Variants in SHISA9 observed in about 807,000 individuals in gnomAD.
SHISA9 encodes the protein shisa family member 9, also known as protein shisa-9.
Under a neutral mutation model 38.0 loss-of-function variants are expected in SHISA9, and 13 were observed. The observed-to-expected ratio is 0.34, with a 90% CI of 0.22 to 0.54. The LOEUF is 0.54. SHISA9 is among the 20% of genes least tolerant of loss of function. The pLI is 0.91. For synonymous variants in SHISA9, 275 were observed against 242.0 expected (o/e 1.14, Z -1.27); for missense variants, 538 against 575.8 (o/e 0.93, Z 0.67).
intron 2 of SHISA9, among the ~76,000 whole-genome samples, chr16:13,016,419 A>G (rs769423496): frequency 6.6e-6 from 1 of 152,134 alleles, no homozygotes; most frequent in Non-Finnish European, 1.5e-5. Flanking sequence ...TGAACAGGGG[A>G]ATAGAGAATG....
intron 3 of SHISA9, among the ~76,000 whole-genome samples, chr16:13,211,453 A>T (rs187625265): frequency 2.8e-4 from 42 of 151,118 alleles, no homozygotes; most frequent in Non-Finnish European, 5.6e-4. Context: ...GTGATTGTTT[A>T]AAAAAAAAGC....
At chr16:13,370,138 G>A in the SHISA9 span, among the ~76,000 whole-genome samples, 2 of 152,158 alleles carry the variant, frequency 1.3e-5, no homozygotes, top group Non-Finnish European at 2.9e-5. Flanking sequence ...GCTCAGTGGG[G>A]TATAAGGTAT....
At chr16:13,011,156 G>A (rs569406416) in intron 2 of SHISA9, among the ~76,000 whole-genome samples, 1 of 152,098 alleles carries the variant, frequency 6.6e-6, no homozygotes, top group Non-Finnish European at 1.5e-5. Context: ...ACACACAAAT[G>A]ATGATTTTAG....
chr16:13,367,712 G>GCGCGCGCACACA, the SHISA9 span, among the ~76,000 whole-genome samples: 2 of 104,690 alleles, frequency 1.9e-5, no homozygotes, highest in South Asian at 4.0e-4. Flanking sequence ...GCGCGCGCGC[G>GCGCGCGCACACA]CACACACACA....
At chr16:13,192,560 G>A (rs974902737) in intron 2 of SHISA9, among the ~76,000 whole-genome samples, 1 of 151,960 alleles carries the variant, frequency 6.6e-6, no homozygotes, top group Non-Finnish European at 1.5e-5. Flanking sequence ...CCAGGAAGCA[G>A]GGTATTTCTA....
chr16:13,121,948 A>G (rs1238018523), intron 2 of SHISA9, among the ~76,000 whole-genome samples: 1 of 152,058 alleles, frequency 6.6e-6, no homozygotes, highest in Non-Finnish European at 1.5e-5. Flanking sequence ...CCTCTTCGAT[A>G]AAATGATAAT....
chr16:12,995,430 T>TCTGTC (rs2072446145), intron 2 of SHISA9, among the ~76,000 whole-genome samples: 1 of 152,178 alleles, frequency 6.6e-6, no homozygotes, highest in Non-Finnish European at 1.5e-5. Flanking sequence ...GCTGACTCAA[T>TCTGTC]AGGCATCTGG....
intron 2 of SHISA9, among the ~76,000 whole-genome samples, chr16:13,161,666 C>T (rs767344533): frequency 6.4e-4 from 98 of 152,138 alleles, no homozygotes; most frequent in Non-Finnish European, 5.7e-4. Context: ...ATTCTAGGTC[C>T]TTTATCCCTT....
chr16:13,394,588 C>G, the SHISA9 span, among the ~76,000 whole-genome samples: 1,484 of 152,294 alleles, frequency 9.7e-3, 12 homozygotes, highest in Middle Eastern at 0.034. Flanking sequence ...CTTTCTCGTT[C>G]TCACTCTCTA....
chr16:13,451,777 A>T, the SHISA9 span, among the ~76,000 whole-genome samples: 1 of 152,230 alleles, frequency 6.6e-6, no homozygotes, highest in African/African-American at 2.4e-5. Context: ...ATCCTTGAGG[A>T]CTGTGGACAT....
At chr16:13,339,613 T>C in the SHISA9 span, among the ~76,000 whole-genome samples, 4 of 152,142 alleles carry the variant, frequency 2.6e-5, no homozygotes, top group African/African-American at 4.8e-5. Context: ...TTTTCCTTTT[T>C]TGTTTGTGTG....
At chr16:13,401,892 C>T in the SHISA9 span, among the ~76,000 whole-genome samples, 1 of 152,074 alleles carries the variant, frequency 6.6e-6, no homozygotes, top group Non-Finnish European at 1.5e-5. Flanking sequence ...GCAAAGGTGG[C>T]AGGCAAGAGA....
At chr16:13,379,248 G>A in the SHISA9 span, among the ~76,000 whole-genome samples, 9 of 152,208 alleles carry the variant, frequency 5.9e-5, no homozygotes, top group Admixed American at 1.3e-4. Context: ...TTCACTCCAA[G>A]TTCACATTCA....
At chr16:13,331,409 A>C in the SHISA9 span, 4 of 152,280 alleles carry the variant, frequency 2.6e-5, no homozygotes, top group Non-Finnish European at 5.9e-5. Flanking sequence ...TCTGTAAAAA[A>C]AAAAAGCTAT....
At chr16:12,918,969 T>C (rs905217488) in intron 2 of SHISA9, among the ~76,000 whole-genome samples, 1 of 152,222 alleles carries the variant, frequency 6.6e-6, no homozygotes, top group Non-Finnish European at 1.5e-5. Flanking sequence ...AACACATTAA[T>C]TCAGCAGCCG....
chr16:13,550,408 G>T, the SHISA9 span, among the ~76,000 whole-genome samples: 1 of 152,170 alleles, frequency 6.6e-6, no homozygotes, highest in African/African-American at 2.4e-5. Context: ...TAACAGAATT[G>T]AGTCCACTGA....
At chr16:13,464,279 C>T in the SHISA9 span, among the ~76,000 whole-genome samples, 2 of 152,284 alleles carry the variant, frequency 1.3e-5, no homozygotes, top group East Asian at 3.9e-4. Context: ...TTGCCAAGGC[C>T]TCCCTGACCT....
At chr16:13,339,777 C>T in the SHISA9 span, among the ~76,000 whole-genome samples, 1 of 152,166 alleles carries the variant, frequency 6.6e-6, no homozygotes, top group Non-Finnish European at 1.5e-5. Flanking sequence ...GCTCAAACGA[C>T]TTAACTCTGA....
the SHISA9 span, among the ~76,000 whole-genome samples, chr16:13,367,712 GCACACACACACACACA>G: frequency 0.024 from 2,474 of 104,654 alleles, 97 homozygotes; most frequent in African/African-American, 0.08. Flanking sequence ...GCGCGCGCGC[GCACACACACACACACA>G]CACACACACA....
Sources: gnomAD v4.1 joint callset for allele counts (sites outside exome capture counted in the v4.1 genomes callset) on GRCh38, gnomAD v4.1.1 for gene constraint, MANE v1.5 for transcripts, NCBI Gene and HGNC (gene_info 2026-07-23, HGNC 2026-07-21) for gene names.